The following PCDHA2 variants were observed in gnomAD, a reference collection of about 807,000 sequenced individuals.
The protein encoded by PCDHA2 is protocadherin alpha-2.
PCDHA2 carries 58 observed loss-of-function variants against 66.0 expected under a neutral mutation model. The observed-to-expected ratio is 0.88, with a 90% confidence interval of 0.71 to 1.09. The LOEUF is 1.09. Ranked by LOEUF, PCDHA2 falls within the 50% of genes least tolerant of loss-of-function variation. The probability of loss-of-function intolerance (pLI) is 0.00; values close to 1 mark genes in which losing one functional copy is unlikely to be tolerated. For missense variants in PCDHA2, 1,267 were observed against 1,242.3 expected (o/e 1.02, Z -0.30); for synonymous variants, 634 against 554.0 (o/e 1.14, Z -2.03).
chr5:140,948,705 T>C (rs1585306851), intron 1 of PCDHA2, among the ~76,000 whole-genome samples: 1 of 151,580 alleles, frequency 6.6e-6, no homozygotes, highest in African/African-American at 2.4e-5. Context: ...ATTTGTGTTC[T>C]ATCCTCTTTT....
At chr5:140,944,134 A>G (rs890508296) in intron 1 of PCDHA2, among the ~76,000 whole-genome samples, 1 of 152,122 alleles carries the variant, frequency 6.6e-6, no homozygotes, top group East Asian at 1.9e-4. Context: ...GAAAAGGTTG[A>G]AGATTAGAAG....
At chr5:140,822,974 TC>T in intron 1 of PCDHA2, 1 of 1,614,226 alleles carries the variant, frequency 6.2e-7, no homozygotes, top group Admixed American at 1.7e-5. Flanking sequence ...GTGTCCACCT[TC>T]AAGAATTACT....
intron 1 of PCDHA2, chr5:140,861,034 G>A (rs1262696550): frequency 1.3e-5 from 2 of 152,270 alleles, no homozygotes; most frequent in Admixed American, 6.5e-5. Context: ...CGGCCGAAAG[G>A]TATTTTTTTT....
At chr5:140,940,557 T>C (rs1554213484) in intron 1 of PCDHA2, among the ~76,000 whole-genome samples, 1 of 152,204 alleles carries the variant, frequency 6.6e-6, no homozygotes. Context: ...CAAGTGATTC[T>C]CCTACCTTGG....
chr5:141,000,904 T>A lies in PCDHA2; in HGVS notation c.2537-8723T>A, dbSNP rs1398868730. Among the ~76,000 whole-genome samples, 6 of 151,990 alleles carry A rather than the reference T, an allele frequency of 3.9e-5. No individual in the cohort carries two copies. The East Asian group carries it at 1.2e-3, about 29-fold the overall frequency. On this transcript the variant is annotated intron_variant, in intron 3 of 3. Coordinates refer to ENST00000526136, the MANE Select transcript of PCDHA2 (RefSeq NM_018905.3). ...ACCTGGGCAACAGATATAGACGCTGTCTCTAAAAAAAAAAATCCTGTGTGA... is the reference window on the plus strand; with the variant it reads ...ACCTGGGCAACAGATATAGACGCTGACTCTAAAAAAAAAAATCCTGTGTGA...
Position 140,829,625 on chromosome 5 carries a change from G to A in PCDHA2, c.2388+32273G>A, listed in dbSNP as rs138462086. 388 of 1,612,150 alleles carry A rather than the reference G, an allele frequency of 2.4e-4. No homozygotes were observed. The highest frequency in any genetic ancestry group is 2.9e-4 in the Non-Finnish European group (345 of 1,179,766). On this transcript the variant is annotated intron_variant, in intron 1 of 3. Coordinates refer to ENST00000526136, the MANE Select transcript of PCDHA2 (RefSeq NM_018905.3). ...GTTGTCGAGCTACATTTCGGTGCAC[G>A]CGGAGAGCGGCAAGGTGTACGCGCT...
intron 1 of PCDHA2, chr5:140,843,236 G>A (rs1778700503): frequency 6.3e-7 from 1 of 1,595,846 alleles, no homozygotes; most frequent in Non-Finnish European, 8.6e-7. Flanking sequence ...TGTCCTGGAC[G>A]AAGCGGACTC....
rs2093245729 is a variant in PCDHA2 at position 140,942,201 on chromosome 5, G to A, written c.2389-36748G>A. Among the ~76,000 whole-genome samples, 3 of 151,938 alleles carry A rather than the reference G, an allele frequency of 2.0e-5. No individual in the cohort carries two copies. The South Asian group carries it at 6.2e-4, about 32-fold the overall frequency. On this transcript the variant is annotated intron_variant, in intron 1 of 3. Coordinates refer to ENST00000526136, the MANE Select transcript of PCDHA2 (RefSeq NM_018905.3). Reference sequence around the variant, plus strand: ...GACATTTTATTTAAAATACATTTTTGAGCATAAGATATTTAAAATGTGTAG... The same window carrying A: ...GACATTTTATTTAAAATACATTTTTAAGCATAAGATATTTAAAATGTGTAG...
chr5:140,921,634 T>C (rs1324251436), intron 1 of PCDHA2, among the ~76,000 whole-genome samples: 1 of 152,220 alleles, frequency 6.6e-6, no homozygotes, highest in Non-Finnish European at 1.5e-5. Context: ...ATCATTATGG[T>C]AGCTATTTTA....
chr5:140,876,726 G>T, intron 1 of PCDHA2: 1 of 1,614,264 alleles, frequency 6.2e-7, no homozygotes, highest in African/African-American at 1.3e-5. Context: ...GCGAGAGCGT[G>T]TCGGCCTATG....
chr5:140,829,682 CT>C, intron 1 of PCDHA2: 1 of 1,613,258 alleles, frequency 6.2e-7, no homozygotes, highest in South Asian at 1.1e-5. Flanking sequence ...GCTAGAGCTG[CT>C]GCAGTTTCAG....
At chr5:140,869,099 A>G in intron 1 of PCDHA2, 1 of 1,596,446 alleles carries the variant, frequency 6.3e-7, no homozygotes, top group African/African-American at 1.3e-5. Flanking sequence ...CCAATTTCGT[A>G]TGCGATGTTT....
rs57893927 is a variant in PCDHA2, at chr5:140,946,631, T to TATATATATATATATATATATATAC, written c.2389-32317_2389-32316insTATATATATATATATATATATACA. Among the ~76,000 whole-genome samples the TATATATATATATATATATATATAC allele has an allele frequency of 2.6e-3, 340 of 131,752 alleles. 23 individuals carry two copies. The highest frequency in any genetic ancestry group is 0.011 in the African/African-American group (303 of 28,632). The allele number at this position is 131,752 out of a possible 152,430, so 86.4% of individuals were successfully genotyped here. On this transcript the variant is annotated intron_variant, in intron 1 of 3. Transcript: ENST00000526136. ...TGTGAAATATATATATATATATATA[T>TATATATATATATATATATATATAC]ACAATGGAATACTCATCAGCCATTA...
At position 140,821,683 on chromosome 5, in the gene PCDHA2, A is replaced by C. The variant is rs2150110086; in HGVS notation, c.2388+24331A>C. ...GTGCCAAGAAGCTCAGAAAGGCGAT[A>C]ATATAAAAAATATATAGTTAATTGG... On this transcript the variant is annotated intron_variant, in intron 1 of 3. Transcript: ENST00000526136. 13 of 1,347,802 alleles carry C rather than the reference A, an allele frequency of 9.6e-6. No individual in the cohort carries two copies. In the South Asian group the frequency reaches 1.5e-4, roughly 15 times the overall value. 83.5% of individuals were successfully genotyped at this position (1,347,802 alleles called of 1,614,324 possible).
chr5:140,954,536 T>C (rs1438016822), intron 1 of PCDHA2, among the ~76,000 whole-genome samples: 3 of 152,248 alleles, frequency 2.0e-5, no homozygotes, highest in African/African-American at 7.2e-5. Flanking sequence ...GTTGAGGTTT[T>C]TTTCATATGT....
In PCDHA2 at chr5:140,850,260, G is replaced by T. The variant is rs2150476183; in HGVS notation, c.2388+52908G>T. On this transcript the variant is annotated intron_variant, in intron 1 of 3. Transcript: ENST00000526136. Reference sequence around the variant, plus strand: ...GGTGCTGCGGTCGGTGGGCGCCGGCGTAGTGGTGGGGAAGGTGCGCGCAGT... The same window carrying T: ...GGTGCTGCGGTCGGTGGGCGCCGGCTTAGTGGTGGGGAAGGTGCGCGCAGT... 1.2e-4 allele frequency: 186 copies of T among 1,594,256 alleles called. 15 individuals carry two copies. The highest frequency in any genetic ancestry group is 2.2e-4 in the Middle Eastern group (1 of 4,474).
At chr5:140,956,724 C>T (rs2095305540) in intron 1 of PCDHA2, among the ~76,000 whole-genome samples, 1 of 152,176 alleles carries the variant, frequency 6.6e-6, no homozygotes, top group South Asian at 2.1e-4. Flanking sequence ...AGAATTGGTA[C>T]CAGCTCCTCT....
chr5:140,920,841 T>TAA (rs781921146), intron 1 of PCDHA2, among the ~76,000 whole-genome samples: 36 of 109,202 alleles, frequency 3.3e-4, no homozygotes, highest in African/African-American at 8.5e-4. Flanking sequence ...AGACCAAATC[T>TAA]AAAAAAAAAA....
chr5:141,000,616 C>A (rs1227863226), intron 3 of PCDHA2, among the ~76,000 whole-genome samples: 1 of 150,774 alleles, frequency 6.6e-6, no homozygotes, highest in African/African-American at 2.4e-5. Context: ...TTAGTAGAGA[C>A]AGGGTTTCAC....
Sources: gnomAD v4.1 joint callset for allele counts (sites outside exome capture counted in the v4.1 genomes callset) on GRCh38, gnomAD v4.1.1 for gene constraint, MANE v1.5 for transcripts, NCBI Gene and HGNC (gene_info 2026-07-23, HGNC 2026-07-21) for gene names.